MACROD2: variants seen among roughly 807,000 people sequenced by gnomAD.
MACROD2 encodes the protein ADP-ribose glycohydrolase MACROD2.
A neutral mutation model predicts 70.4 loss-of-function variants in MACROD2; 36 were observed. That is an observed-to-expected ratio of 0.51 (90% CI 0.39 to 0.68). MACROD2 has a LOEUF of 0.68. Ranked by LOEUF, MACROD2 falls within the 30% of genes least tolerant of loss-of-function variation. The pLI, the probability that MACROD2 is intolerant of heterozygous loss-of-function variation, is 0.00. For synonymous variants in MACROD2, 172 were observed against 178.8 expected (o/e 0.96, Z 0.30); for missense variants, 496 against 538.4 (o/e 0.92, Z 0.78).
chr20:15,499,755 T>C lies in MACROD2; in HGVS notation c.572-19T>C, dbSNP rs747296752. The C allele has an allele frequency of 1.4e-5, 22 of 1,613,144 alleles. No individual in the cohort carries two copies. The highest frequency in any genetic ancestry group is 1.9e-5 in the Non-Finnish European group (22 of 1,179,310). ...TTCATCTTTCGTTGTTCATTTGTTT[T>C]TTCCTGCTCTTCATCTAGGCTTTCC... On this transcript the variant is annotated intron_variant, in intron 7 of 17. Coordinates refer to ENST00000684519, the MANE Select transcript of MACROD2 (RefSeq NM_001351661.2).
At chr20:14,914,553 CA>C (rs1483914763) in intron 5 of MACROD2, among the ~76,000 whole-genome samples, 1 of 152,150 alleles carries the variant, frequency 6.6e-6, no homozygotes, top group African/African-American at 2.4e-5. Context: ...CATTCTCTTA[CA>C]ATGTGATTCT....
intron 3 of MACROD2, among the ~76,000 whole-genome samples, chr20:14,442,729 G>C (rs555963664): frequency 6.6e-6 from 1 of 152,090 alleles, no homozygotes; most frequent in Admixed American, 6.6e-5. Context: ...GCCTTGCTTG[G>C]TCCTAGAAGC....
intron 5 of MACROD2, among the ~76,000 whole-genome samples, chr20:14,964,161 A>G (rs987928428): frequency 3.3e-5 from 5 of 152,022 alleles, no homozygotes; most frequent in African/African-American, 1.2e-4. Context: ...GGTATGGTGC[A>G]TTTGCTTTCA....
intron 3 of MACROD2, among the ~76,000 whole-genome samples, chr20:14,252,252 G>T (rs1183327235): frequency 2.0e-5 from 3 of 151,926 alleles, no homozygotes; most frequent in Non-Finnish European, 2.9e-5. Flanking sequence ...CAATTATATT[G>T]TGAGTGGGTG....
At chr20:14,304,020 C>T (rs1180423989) in intron 3 of MACROD2, among the ~76,000 whole-genome samples, 1 of 152,088 alleles carries the variant, frequency 6.6e-6, no homozygotes, top group Non-Finnish European at 1.5e-5. Context: ...TTTTGAGTGT[C>T]TTTATTATTC....
chr20:14,998,610 T>C (rs1159083833), intron 5 of MACROD2, among the ~76,000 whole-genome samples: 1 of 152,160 alleles, frequency 6.6e-6, no homozygotes, highest in South Asian at 2.1e-4. Flanking sequence ...TAAAAAAGAA[T>C]GAAGCACACC....
intron 6 of MACROD2, among the ~76,000 whole-genome samples, chr20:15,430,421 C>CAT (rs1434036392): frequency 6.6e-6 from 1 of 151,994 alleles, no homozygotes; most frequent in African/African-American, 2.4e-5. Flanking sequence ...GTCCACAACA[C>CAT]ATTTCTGTAT....
At chr20:15,318,230 TG>T (rs1167553215) in intron 6 of MACROD2, among the ~76,000 whole-genome samples, 1 of 152,062 alleles carries the variant, frequency 6.6e-6, no homozygotes. Flanking sequence ...TTACAAAACA[TG>T]GATGAAATTG....
chr20:14,526,341 G>A (rs539488902), intron 4 of MACROD2, among the ~76,000 whole-genome samples: 45 of 151,952 alleles, frequency 3.0e-4, no homozygotes, highest in African/African-American at 1.1e-3. Flanking sequence ...ATTAAAACAG[G>A]ATGGGTAAAA....
intron 5 of MACROD2, among the ~76,000 whole-genome samples, chr20:15,171,959 TAAATG>T (rs1319308825): frequency 1.3e-5 from 2 of 152,162 alleles, no homozygotes; most frequent in African/African-American, 4.8e-5. Context: ...CCTGAATAAA[TAAATG>T]AGTGAATGAA....
At chr20:14,061,452 G>A (rs932577617) in intron 2 of MACROD2, among the ~76,000 whole-genome samples, 1 of 152,102 alleles carries the variant, frequency 6.6e-6, no homozygotes, top group Non-Finnish European at 1.5e-5. Flanking sequence ...CAGGTTGGTG[G>A]TTGTGCATAT....
At chr20:14,366,575 C>G (rs557299637) in intron 3 of MACROD2, among the ~76,000 whole-genome samples, 1 of 152,120 alleles carries the variant, frequency 6.6e-6, no homozygotes, top group East Asian at 1.9e-4. Flanking sequence ...CCATGTTGGC[C>G]AGGATGGTTT....
chr20:14,527,916 G>C (rs749426970), intron 4 of MACROD2, among the ~76,000 whole-genome samples: 12 of 152,092 alleles, frequency 7.9e-5, no homozygotes, highest in Non-Finnish European at 1.5e-4. Context: ...AAATGGGCTG[G>C]TTAAATAAGC....
At chr20:15,190,672 T>C (rs1601198680) in intron 5 of MACROD2, among the ~76,000 whole-genome samples, 1 of 152,150 alleles carries the variant, frequency 6.6e-6, no homozygotes, top group African/African-American at 2.4e-5. Flanking sequence ...AGCCATGCCC[T>C]GTGGGGCCAC....
chr20:15,280,203 A>G lies in MACROD2; in HGVS notation c.540+50142A>G, dbSNP rs151083037. Among the ~76,000 whole-genome samples the G allele has an allele frequency of 3.4e-3, 522 of 152,354 alleles. 3 individuals are homozygous for G. In the South Asian group the frequency reaches 0.041, roughly 12 times the overall value. ...TAGGGAAATAACAGCACAAATGCAT[A>G]AAGATGGTTGGGTAAGAATATTTGT... is the stretch of plus-strand genomic sequence containing the variant. On this transcript the variant is annotated intron_variant, in intron 6 of 17. Transcript: ENST00000684519.
intron 5 of MACROD2, among the ~76,000 whole-genome samples, chr20:14,851,171 T>G (rs920431966): frequency 6.6e-6 from 1 of 152,112 alleles, no homozygotes; most frequent in African/African-American, 2.4e-5. Context: ...ATGAATTATT[T>G]TTTAAGACTA....
At chr20:15,980,255 C>CT (rs2066377250) in intron 13 of MACROD2, among the ~76,000 whole-genome samples, 1 of 152,190 alleles carries the variant, frequency 6.6e-6, no homozygotes, top group African/African-American at 2.4e-5. Flanking sequence ...GCAGGGCTGC[C>CT]TGTCTTTGAT....
chr20:15,536,561 T>G (rs2047877830), intron 8 of MACROD2, among the ~76,000 whole-genome samples: 1 of 152,224 alleles, frequency 6.6e-6, no homozygotes, highest in South Asian at 2.1e-4. Context: ...TAGGATGTTA[T>G]AAAGAATGCA....
At chr20:15,801,098 C>G (rs1372656519) in intron 8 of MACROD2, among the ~76,000 whole-genome samples, 1 of 148,894 alleles carries the variant, frequency 6.7e-6, no homozygotes, top group African/African-American at 2.5e-5. Flanking sequence ...GACCTTTGTT[C>G]ACTTGTTTAT....
Sources: gnomAD v4.1 joint callset for allele counts (sites outside exome capture counted in the v4.1 genomes callset) on GRCh38, gnomAD v4.1.1 for gene constraint, MANE v1.5 for transcripts, NCBI Gene and HGNC (gene_info 2026-07-23, HGNC 2026-07-21) for gene names.